The following NKAIN2 variants were observed in gnomAD, a reference collection of about 807,000 sequenced individuals.
NKAIN2 encodes the protein sodium/potassium-transporting ATPase subunit beta-1-interacting protein 2.
NKAIN2 carries 14 observed loss-of-function variants against 32.6 expected under a neutral mutation model. That is an observed-to-expected ratio of 0.43 (90% CI 0.28 to 0.67). The LOEUF is 0.67. Ranked by LOEUF, NKAIN2 falls within the 30% of genes least tolerant of loss-of-function variation. NKAIN2 has a pLI of 0.17. For synonymous variants in NKAIN2, 80 were observed against 87.2 expected (o/e 0.92, Z 0.46); for missense variants, 198 against 258.3 (o/e 0.77, Z 1.60).
At chr6:124,743,240 T>C (rs747113603) in intron 4 of NKAIN2, among the ~76,000 whole-genome samples, 14 of 151,850 alleles carry the variant, frequency 9.2e-5, no homozygotes, top group Non-Finnish European at 1.8e-4. Context: ...ATAGTTCCTA[T>C]GTCAGAAGAT....
At chr6:124,562,016 C>G (rs1367199484) in intron 3 of NKAIN2, among the ~76,000 whole-genome samples, 1 of 152,116 alleles carries the variant, frequency 6.6e-6, no homozygotes, top group African/African-American at 2.4e-5. Flanking sequence ...AGAAATTTAC[C>G]ATTAAGATTT....
At chr6:124,362,937 T>C (rs1980604) in intron 3 of NKAIN2, among the ~76,000 whole-genome samples, 127,357 of 152,092 alleles carry the variant, frequency 0.84, 53,461 homozygotes, top group African/African-American at 0.88. Flanking sequence ...CAGGTTCAAG[T>C]GATTCTCCTG....
intron 1 of NKAIN2, among the ~76,000 whole-genome samples, chr6:123,895,174 GTCTC>G (rs752072897): frequency 1.3e-5 from 2 of 148,526 alleles, no homozygotes; most frequent in Non-Finnish European, 1.5e-5. Context: ...CTTTCTTTCT[GTCTC>G]TCTCTGTCTC....
chr6:123,874,630 A>T (rs1582693767), intron 1 of NKAIN2, among the ~76,000 whole-genome samples: 1 of 152,134 alleles, frequency 6.6e-6, no homozygotes, highest in African/African-American at 2.4e-5. Context: ...TTCTCTAGAA[A>T]TATATATTTT....
intron 1 of NKAIN2, among the ~76,000 whole-genome samples, chr6:124,176,750 T>C (rs1257452056): frequency 2.0e-5 from 3 of 152,186 alleles, no homozygotes; most frequent in African/African-American, 7.2e-5. Flanking sequence ...ATAAAAATGA[T>C]ATTGCATTAC....
intron 3 of NKAIN2, among the ~76,000 whole-genome samples, chr6:124,367,694 G>A (rs1381726835): frequency 1.3e-5 from 2 of 151,958 alleles, no homozygotes; most frequent in Admixed American, 6.6e-5. Flanking sequence ...TGGGAACTTC[G>A]ACATAGGGCA....
rs76222866 is a variant in NKAIN2 at position 124,437,192 on chromosome 6, T to C, written c.273+81845T>C. Among the ~76,000 whole-genome samples the C allele has an allele frequency of 4.2e-3, 647 of 152,300 alleles. 42 individuals carry two copies. The East Asian group carries it at 0.11, about 25-fold the overall frequency. On this transcript the variant is annotated intron_variant, in intron 3 of 6. Coordinates refer to ENST00000368417, the MANE Select transcript of NKAIN2 (RefSeq NM_001040214.3). ...TAACACTTAACAACTTAAATCATAC[T>C]GTATAACTAATGTATTAAGATGACT...
chr6:124,232,008 G>T (rs949460918), intron 1 of NKAIN2, among the ~76,000 whole-genome samples: 4 of 151,856 alleles, frequency 2.6e-5, no homozygotes, highest in Middle Eastern at 3.4e-3. Context: ...CAACATTTTG[G>T]ATATTCAGAA....
intron 2 of NKAIN2, among the ~76,000 whole-genome samples, chr6:124,332,268 GAA>G (rs1583062479): frequency 4.6e-5 from 7 of 151,884 alleles, no homozygotes; most frequent in Non-Finnish European, 8.8e-5. Context: ...GAGAGAAAGA[GAA>G]AGAGAGAGAG....
chr6:124,517,043 A>G (rs1440980237), intron 3 of NKAIN2, among the ~76,000 whole-genome samples: 1 of 152,202 alleles, frequency 6.6e-6, no homozygotes, highest in African/African-American at 2.4e-5. Context: ...GTATACTCTA[A>G]AGAACAGCTG....
chr6:124,813,922 T>G (rs1781026448), intron 5 of NKAIN2, among the ~76,000 whole-genome samples: 1 of 152,196 alleles, frequency 6.6e-6, no homozygotes, highest in Non-Finnish European at 1.5e-5. Flanking sequence ...TTATGACCCT[T>G]ATTGCTCAGA....
At position 124,690,062 on chromosome 6, in the gene NKAIN2, T is replaced by C. The variant is rs113516151; in HGVS notation, c.474+31676T>C. Among the ~76,000 whole-genome samples, 1,073 of 152,262 alleles carry C rather than the reference T, an allele frequency of 7.0e-3. 19 individuals are homozygous for C. The highest frequency in any genetic ancestry group is 0.025 in the African/African-American group (1,031 of 41,564). ...GTTCAGAAGAACAGATATCTTGAAA[T>C]ATTGAATAATCTTATCCATGAACAT... is the stretch of plus-strand genomic sequence containing the variant. On this transcript the variant is annotated intron_variant, in intron 4 of 6. Coordinates refer to ENST00000368417, the MANE Select transcript of NKAIN2 (RefSeq NM_001040214.3).
At chr6:123,999,870 C>G (rs10214736) in intron 1 of NKAIN2, among the ~76,000 whole-genome samples, 54,236 of 151,748 alleles carry the variant, frequency 0.36, 9,926 homozygotes, top group East Asian at 0.42. Flanking sequence ...GTTTCTTTGT[C>G]TTCCTATATT....
intron 1 of NKAIN2, among the ~76,000 whole-genome samples, chr6:124,146,436 G>T (rs1447946762): frequency 6.6e-6 from 1 of 152,062 alleles, no homozygotes; most frequent in Non-Finnish European, 1.5e-5. Context: ...ATTTGAATTG[G>T]AATTCATGTA....
chr6:124,751,030 A>G (rs1180230463), intron 4 of NKAIN2, among the ~76,000 whole-genome samples: 1 of 152,060 alleles, frequency 6.6e-6, no homozygotes, highest in African/African-American at 2.4e-5. Flanking sequence ...GCCAACCTAA[A>G]TACAGTAAGA....
intron 3 of NKAIN2, among the ~76,000 whole-genome samples, chr6:124,634,024 A>T (rs781271496): frequency 5.3e-5 from 8 of 152,164 alleles, no homozygotes; most frequent in Non-Finnish European, 8.8e-5. Context: ...TAAGGAGATT[A>T]TACTACTGTG....
chr6:124,339,651 G>C (rs1798039284), intron 2 of NKAIN2, among the ~76,000 whole-genome samples: 1 of 152,100 alleles, frequency 6.6e-6, no homozygotes, highest in Non-Finnish European at 1.5e-5. Context: ...TTGGACCTAC[G>C]CAGATAATCC....
intron 4 of NKAIN2, among the ~76,000 whole-genome samples, chr6:124,790,414 A>G (rs959643850): frequency 1.3e-5 from 2 of 151,910 alleles, no homozygotes; most frequent in African/African-American, 4.8e-5. Flanking sequence ...CACACTGAAT[A>G]TTATTGTGTG....
chr6:124,186,936 G>A (rs967996425), intron 1 of NKAIN2, among the ~76,000 whole-genome samples: 13 of 150,146 alleles, frequency 8.7e-5, no homozygotes, highest in African/African-American at 2.9e-4. Context: ...TTAAAACAGA[G>A]AATTTTTTCT....
Sources: gnomAD v4.1 joint callset for allele counts (sites outside exome capture counted in the v4.1 genomes callset) on GRCh38, gnomAD v4.1.1 for gene constraint, MANE v1.5 for transcripts, NCBI Gene and HGNC (gene_info 2026-07-23, HGNC 2026-07-21) for gene names.